The following WDR49 variants were observed in gnomAD, a reference collection of about 807,000 sequenced individuals.
WDR49 encodes the protein cilia- and flagella-associated protein 337.
Under a neutral mutation model 119.5 loss-of-function variants are expected in WDR49, and 107 were observed. The ratio of observed to expected loss-of-function variants is 0.90; its 90% CI spans 0.77 to 1.05. The LOEUF is 1.05. Among genes scored for constraint, WDR49 ranks in the 50% least tolerant of loss-of-function variants. The probability of loss-of-function intolerance (pLI) is 0.00; values close to 1 mark genes in which losing one functional copy is unlikely to be tolerated. For missense variants in WDR49, 1,240 were observed against 1,220.5 expected, an observed-to-expected ratio of 1.02 and a Z score of -0.24; for synonymous variants, 425 against 418.8, an observed-to-expected ratio of 1.01 and a Z score of -0.18.
Position 167,602,189 on chromosome 3 carries a change from T to C in WDR49, c.1213A>G (p.Ser405Gly). ...PVGVLWGHSA[S>G]VIAVQFFVER... is the part of the protein sequence containing the mutation. ...ACAAAGAATTGGACGGCTATTACAC[T>C]GGCTGAGTGGCCCCAAAGGACACCC... is the stretch of plus-strand genomic sequence containing the variant. Residue 405 changes from serine to glycine, a missense_variant, in exon 7 of 19, where the codon AGT becomes GGT. Transcript: ENST00000682715. The C allele has an allele frequency of 6.2e-7, 1 of 1,607,798 alleles. No homozygotes were observed. Among genetic ancestry groups the C allele is most frequent in the Non-Finnish European group, 8.5e-7 (1 of 1,175,526 alleles).
rs57233824 is a variant in WDR49, at chr3:167,582,031, CGTGTGT to C, written c.1276-5886_1276-5881del. On this transcript the variant is annotated intron_variant, in intron 7 of 18. Coordinates refer to ENST00000682715, the MANE Select transcript of WDR49 (RefSeq NM_001366157.1). ...AAAAGGGAGAGTGTGGGCATGCTTCCGTGTGTGTGTGTGTGTGTGTGTGTGTGTGTG... is the reference window on the plus strand; with the variant it reads ...AAAAGGGAGAGTGTGGGCATGCTTCCGTGTGTGTGTGTGTGTGTGTGTGTG... Among the ~76,000 whole-genome samples, 85 of 142,422 alleles carry C rather than the reference CGTGTGT, an allele frequency of 6.0e-4. 1 individual carries two copies. Among genetic ancestry groups the C allele is most frequent in the East Asian group, 1.7e-3 (8 of 4,764 alleles). 93.4% of individuals were successfully genotyped at this position (142,422 alleles called of 152,430 possible). A position where few individuals can be genotyped will look rare whatever the true frequency, so the allele number is the denominator to read the frequency against.
At position 167,529,238 on chromosome 3, in the gene WDR49, T is replaced by C. The variant is rs1752754745; in HGVS notation, c.2220A>G (p.Gly740=). 6.4e-7 allele frequency: 1 copy of C among 1,571,638 alleles called. No homozygotes were observed. Among genetic ancestry groups the C allele is most frequent in the East Asian group, 2.3e-5 (1 of 44,122 alleles). Residue 740 remains glycine, a splice_region_variant and synonymous_variant, in exon 14 of 19, where the codon GGA becomes GGG. Coordinates refer to ENST00000682715, the MANE Select transcript of WDR49 (RefSeq NM_001366157.1). ...CTCCACATGATACCAGGTTAGCTCCTCCTAACATGTAAGGGAAAAATCTAA... is the reference window on the plus strand; with the variant it reads ...CTCCACATGATACCAGGTTAGCTCCCCCTAACATGTAAGGGAAAAATCTAA... ...LKARKNTAVT[G]GANLVSCGGS...
chr3:167,579,117 T>A (rs991652792), intron 7 of WDR49, among the ~76,000 whole-genome samples: 17 of 152,152 alleles, frequency 1.1e-4, no homozygotes, highest in African/African-American at 3.9e-4. Flanking sequence ...TCTGCCATAA[T>A]TGTATATTCC....
At position 167,554,667 on chromosome 3, in the gene WDR49, T is replaced by A. The variant is rs752859218; in HGVS notation, c.1806A>T (p.Ser602=). 2.0e-6 allele frequency: 3 copies of A among 1,523,264 alleles called. No individual in the cohort carries two copies. The highest frequency in any genetic ancestry group is 1.8e-6 in the Non-Finnish European group (2 of 1,112,322). The allele number at this position is 1,523,264 out of a possible 1,614,324, so 94.4% of individuals were successfully genotyped here. A position where few individuals can be genotyped will look rare whatever the true frequency, so the allele number is the denominator to read the frequency against. Residue 602 remains serine, a synonymous_variant, in exon 10 of 19, where the codon TCA becomes TCT. Transcript: ENST00000682715. ...VTGWERYDYA[S]WKTIGRAITV... ...CTTTTTACCTTCCTATAGTTTTCCA[T>A]GAGGCATAATCATACCTCTCCCAGC... is the stretch of plus-strand genomic sequence containing the variant.
rs2108327084 is a variant in WDR49, at chr3:167,626,837, A to T, written c.606+15T>A. On this transcript the variant is annotated intron_variant, in intron 3 of 18. Coordinates refer to ENST00000682715, the MANE Select transcript of WDR49 (RefSeq NM_001366157.1). ...TCTTTTACAAGCAGTACATTTTTTT[A>T]TAAAGAGTCTGTACCTTGTTTACAT... 8.1e-7 allele frequency: 1 copy of T among 1,234,612 alleles called. No homozygotes were observed. Among genetic ancestry groups the T allele is most frequent in the East Asian group, 3.1e-5 (1 of 31,762 alleles). 76.5% of individuals were successfully genotyped at this position (1,234,612 alleles called of 1,614,324 possible). A position where few individuals can be genotyped will look rare whatever the true frequency, so the allele number is the denominator to read the frequency against.
intron 16 of WDR49, among the ~76,000 whole-genome samples, chr3:167,516,015 T>C (rs543065577): frequency 4.8e-4 from 73 of 152,320 alleles, no homozygotes; most frequent in African/African-American, 1.5e-3. Flanking sequence ...CATTTCATGA[T>C]CATGAACAGA....
At chr3:167,619,646 T>C (rs1716771730) in intron 5 of WDR49, among the ~76,000 whole-genome samples, 1 of 152,162 alleles carries the variant, frequency 6.6e-6, no homozygotes, top group South Asian at 2.1e-4. Flanking sequence ...AATAGCCCAA[T>C]AACATTAATC....
At position 167,646,913 on chromosome 3, in the gene WDR49, C is replaced by T. The variant is rs180734658; in HGVS notation, c.165+6348G>A. Among the ~76,000 whole-genome samples, 874 of 152,090 alleles carry T rather than the reference C, an allele frequency of 5.7e-3. 11 individuals are homozygous for T. Among genetic ancestry groups the T allele is most frequent in the African/African-American group, 0.019 (804 of 41,474 alleles). On this transcript the variant is annotated intron_variant, in intron 2 of 18. Coordinates refer to ENST00000682715, the MANE Select transcript of WDR49 (RefSeq NM_001366157.1). ...AAAGACCCCAAGGGGCTTTTTCTTG[C>T]ACAAGTATGAGGTAGAGCCTTGGGA... is the stretch of plus-strand genomic sequence containing the variant.
chr3:167,522,469 T>C lies in WDR49; in HGVS notation c.2620A>G (p.Ile874Val). 1 of 1,598,678 alleles carries C rather than the reference T, an allele frequency of 6.3e-7. No homozygotes were observed. The highest frequency in any genetic ancestry group is 1.1e-5 in the South Asian group (1 of 87,014). The stretch of plus-strand genomic sequence containing the variant: ...TTAGGAAGGAAAAGGCAGTTTTCAA[T>C]ATGCCAGTGCTTTGCCTGAAAAAAA... The part of the protein sequence containing the change: ...WIFGQAKHWH[I>V]ENCLFLPKRD... Residue 874 changes from isoleucine (I) to valine (V), a missense_variant, in exon 16 of 19, where the codon ATT (isoleucine) becomes GTT (valine). Ile to Val is a conservative substitution (Grantham distance 29). Transcript: ENST00000682715.
rs1714737693 is a variant in WDR49 at position 167,585,104 on chromosome 3, T to C, written c.1276-8953A>G. On this transcript the variant is annotated intron_variant, in intron 7 of 18. Transcript: ENST00000682715. ...TGCTTTCCTTAGATAAATGGCATGA[T>C]CAGATATTGCACAAAAATCAAGAAC... Among the ~76,000 whole-genome samples, 5 of 152,242 alleles carry C rather than the reference T, an allele frequency of 3.3e-5. No individual in the cohort carries two copies. The South Asian group carries it at 1.0e-3, about 32-fold the overall frequency.
chr3:167,647,739 A>C (rs912826670), intron 2 of WDR49, among the ~76,000 whole-genome samples: 1 of 152,180 alleles, frequency 6.6e-6, no homozygotes, highest in Non-Finnish European at 1.5e-5. Flanking sequence ...TGCACTTTTT[A>C]CTATATACAG....
intron 16 of WDR49, among the ~76,000 whole-genome samples, chr3:167,519,971 C>T (rs541237661): frequency 1.5e-4 from 23 of 152,122 alleles, no homozygotes; most frequent in South Asian, 6.2e-4. Context: ...TGATGGCTCA[C>T]GTCTGTAATC....
intron 7 of WDR49, among the ~76,000 whole-genome samples, chr3:167,591,830 T>C (rs935364446): frequency 6.6e-6 from 1 of 151,070 alleles, no homozygotes; most frequent in Non-Finnish European, 1.5e-5. Flanking sequence ...TTGGGTCTTG[T>C]TTTTTTTTAT....
intron 5 of WDR49, among the ~76,000 whole-genome samples, chr3:167,610,664 T>C (rs1205024529): frequency 1.3e-5 from 2 of 152,178 alleles, no homozygotes; most frequent in East Asian, 1.9e-4. Context: ...CACTGGCTGA[T>C]TGCAGAGCCC....
chr3:167,625,646 C>T (rs1054126514), intron 3 of WDR49, among the ~76,000 whole-genome samples: 1 of 151,872 alleles, frequency 6.6e-6, no homozygotes, highest in African/African-American at 2.4e-5. Flanking sequence ...TAGGAATAAT[C>T]AGCAACAACT....
chr3:167,577,658 G>C (rs1332165613), intron 7 of WDR49, among the ~76,000 whole-genome samples: 1 of 151,968 alleles, frequency 6.6e-6, no homozygotes, highest in African/African-American at 2.4e-5. Flanking sequence ...TTATTATTAT[G>C]TCTATTTTAT....
At chr3:167,605,387 G>T (rs1716007052) in intron 5 of WDR49, among the ~76,000 whole-genome samples, 1 of 152,032 alleles carries the variant, frequency 6.6e-6, no homozygotes, top group Admixed American at 6.6e-5. Flanking sequence ...AGACTATTCA[G>T]TGTGTCATTT....
rs187573684 is a variant in WDR49 at position 167,560,227 on chromosome 3, A to G, written c.1511T>C (p.Val504Ala). ...CVLYNSILKQ[V>A]ISSDTGSTVS... ...AGTAGACCCTGTATCAGAGCTGATTACCTAAGAGAAAATAACATTTTAAAG... is the reference window on the plus strand; with the variant it reads ...AGTAGACCCTGTATCAGAGCTGATTGCCTAAGAGAAAATAACATTTTAAAG... Residue 504 changes from valine (V) to alanine (A), a missense_variant and splice_region_variant, in exon 9 of 19, where the codon GTA (valine) becomes GCA (alanine). Coordinates refer to ENST00000682715, the MANE Select transcript of WDR49 (RefSeq NM_001366157.1). 1.9e-6 allele frequency: 3 copies of G among 1,607,108 alleles called. No individual in the cohort carries two copies. The African/African-American group carries it at 4.0e-5, about 22-fold the overall frequency.
At chr3:167,585,391 CGTGTGTGTGTGT>C (rs59424091) in intron 7 of WDR49, among the ~76,000 whole-genome samples, 40 of 137,492 alleles carry the variant, frequency 2.9e-4, no homozygotes, top group Middle Eastern at 3.6e-3. Context: ...TAAAAGGGTG[CGTGTGTGTGTGT>C]GTGTGTGTGT....
Sources: allele counts gnomAD v4.1 joint callset (sites outside exome capture counted in the v4.1 genomes callset), GRCh38; gene constraint gnomAD v4.1.1; transcripts MANE v1.5; gene names NCBI Gene and HGNC (gene_info 2026-07-23, HGNC 2026-07-21).